The following PRKAR2B variants were observed in gnomAD, a reference collection of about 807,000 sequenced individuals.
The protein encoded by PRKAR2B is cAMP-dependent protein kinase type II-beta regulatory subunit.
A neutral mutation model predicts 49.9 loss-of-function variants in PRKAR2B; 14 were observed. The ratio of observed to expected loss-of-function variants is 0.28; its 90% CI spans 0.19 to 0.44. PRKAR2B has a LOEUF of 0.44. Ranked by LOEUF, PRKAR2B falls within the 20% of genes least tolerant of loss-of-function variation. PRKAR2B has a pLI of 1.00. For synonymous variants in PRKAR2B, 196 were observed against 197.7 expected (o/e 0.99, Z 0.07); for missense variants, 393 against 537.9 (o/e 0.73, Z 2.67).
At chr7:107,157,123 A>G in intron 9 of PRKAR2B, 63 bp from the exon 10 acceptor site, 1 of 1,606,848 alleles carries the variant, frequency 6.2e-7, no homozygotes, top group Non-Finnish European at 8.5e-7. Context: ...TGATGTTTAG[A>G]CTGAGGTTAA....
chr7:107,159,165 T>C (rs961621142), intron 10 of PRKAR2B, among the ~76,000 whole-genome samples: 2 of 152,296 alleles, frequency 1.3e-5, no homozygotes, highest in Middle Eastern at 3.4e-3. Context: ...CTTTCCATGA[T>C]AGTCCCTCAT....
At chr7:107,096,927 C>G (rs951279123) in intron 2 of PRKAR2B, among the ~76,000 whole-genome samples, 5 of 152,136 alleles carry the variant, frequency 3.3e-5, no homozygotes, top group African/African-American at 4.8e-5. Flanking sequence ...GCTTTACTTG[C>G]AACTATATGG....
At chr7:107,072,029 A>G (rs1794287141) in intron 2 of PRKAR2B, among the ~76,000 whole-genome samples, 1 of 151,552 alleles carries the variant, frequency 6.6e-6, no homozygotes, top group African/African-American at 2.4e-5. Context: ...AGATTGCACC[A>G]CTGCACTCCA....
chr7:107,142,711 A>G (rs1795808884), intron 5 of PRKAR2B, among the ~76,000 whole-genome samples: 1 of 151,904 alleles, frequency 6.6e-6, no homozygotes, highest in Non-Finnish European at 1.5e-5. Flanking sequence ...TGCCTGCCGG[A>G]GGCCTTGTAT....
chr7:107,125,500 A>C (rs566523876), intron 3 of PRKAR2B, among the ~76,000 whole-genome samples: 3 of 152,364 alleles, frequency 2.0e-5, no homozygotes, highest in South Asian at 2.1e-4. Flanking sequence ...CTGAGGCCTC[A>C]GTGATCCAGA....
intron 5 of PRKAR2B, among the ~76,000 whole-genome samples, chr7:107,145,733 A>ATTTTTT (rs916332834): frequency 5.8e-4 from 54 of 93,334 alleles, no homozygotes; most frequent in African/African-American, 9.3e-4. Context: ...TCTTCAGATG[A>ATTTTTT]TTTTTTTTTT....
chr7:107,111,680 T>C (rs1795175156), intron 2 of PRKAR2B, among the ~76,000 whole-genome samples: 1 of 152,156 alleles, frequency 6.6e-6, no homozygotes, highest in African/African-American at 2.4e-5. Context: ...TTTATTTTAA[T>C]TTTTTTGTTG....
At chr7:107,078,376 G>A (rs1389044571) in intron 2 of PRKAR2B, 2 of 152,326 alleles carry the variant, frequency 1.3e-5, no homozygotes, top group African/African-American at 4.8e-5. Flanking sequence ...TTGAGCAAGG[G>A]AGGTGGGAAG....
chr7:107,153,649 G>A (rs1796027937), intron 8 of PRKAR2B, among the ~76,000 whole-genome samples: 1 of 152,128 alleles, frequency 6.6e-6, no homozygotes, highest in African/African-American at 2.4e-5. Context: ...CACCAAGAAA[G>A]GAACACACTG....
intron 2 of PRKAR2B, among the ~76,000 whole-genome samples, chr7:107,077,554 C>G (rs1266927489): frequency 6.6e-6 from 1 of 152,134 alleles, no homozygotes; most frequent in Admixed American, 6.5e-5. Flanking sequence ...CCATTTTCAC[C>G]ATATGTTGCT....
intron 2 of PRKAR2B, among the ~76,000 whole-genome samples, chr7:107,116,622 A>G (rs1418694691): frequency 1.3e-5 from 2 of 152,070 alleles, no homozygotes; most frequent in South Asian, 2.1e-4. Flanking sequence ...TATTTTTTGA[A>G]TGAATAAATA....
At chr7:107,137,283 C>G (rs1267601062) in intron 4 of PRKAR2B, among the ~76,000 whole-genome samples, 3 of 152,208 alleles carry the variant, frequency 2.0e-5, no homozygotes, top group Non-Finnish European at 4.4e-5. Flanking sequence ...TTTTCTGTCA[C>G]CTAAACGCCT....
At chr7:107,076,846 A>G (rs1028374976) in intron 2 of PRKAR2B, among the ~76,000 whole-genome samples, 1 of 152,246 alleles carries the variant, frequency 6.6e-6, no homozygotes, top group Non-Finnish European at 1.5e-5. Context: ...ATGTGATATT[A>G]CAAATCTCAG....
chr7:107,064,633 C>T (rs914628235), intron 1 of PRKAR2B, among the ~76,000 whole-genome samples: 3 of 152,138 alleles, frequency 2.0e-5, no homozygotes, highest in Non-Finnish European at 2.9e-5. Flanking sequence ...GGAGGGTACC[C>T]GCCAACTATT....
chr7:107,136,473 C>A (rs1795703887), intron 4 of PRKAR2B, among the ~76,000 whole-genome samples: 1 of 152,056 alleles, frequency 6.6e-6, no homozygotes, highest in Non-Finnish European at 1.5e-5. Context: ...AGTAGTAAAC[C>A]ATCAGATTAA....
At chr7:107,096,362 T>G (rs1254001516) in intron 2 of PRKAR2B, among the ~76,000 whole-genome samples, 1 of 152,168 alleles carries the variant, frequency 6.6e-6, no homozygotes. Flanking sequence ...CCCTTTATCA[T>G]TTTTTATTGC....
chr7:107,052,783 A>C (rs1352649130), intron 1 of PRKAR2B, among the ~76,000 whole-genome samples: 1 of 152,146 alleles, frequency 6.6e-6, no homozygotes, highest in Non-Finnish European at 1.5e-5. Context: ...TGTCTATTCA[A>C]CCCAAATTAG....
chr7:107,152,501 T>C (rs933749334), intron 7 of PRKAR2B, among the ~76,000 whole-genome samples: 3 of 152,208 alleles, frequency 2.0e-5, no homozygotes, highest in African/African-American at 7.2e-5. Context: ...TAGAGACTTA[T>C]GAGAGAGAGT....
intron 2 of PRKAR2B, among the ~76,000 whole-genome samples, chr7:107,109,948 C>T (rs1267583055): frequency 6.6e-6 from 1 of 152,108 alleles, no homozygotes; most frequent in Non-Finnish European, 1.5e-5. Context: ...TTCATAAGAA[C>T]CAAAATCAGG....
Sources: gnomAD v4.1 joint callset for allele counts (sites outside exome capture counted in the v4.1 genomes callset) on GRCh38, gnomAD v4.1.1 for gene constraint, MANE v1.5 for transcripts, NCBI Gene and HGNC (gene_info 2026-07-23, HGNC 2026-07-21) for gene names.